PPM1H: variants seen among roughly 807,000 people sequenced by gnomAD.
PPM1H encodes the protein protein phosphatase 1H.
PPM1H carries 27 observed loss-of-function variants against 54.9 expected under a neutral mutation model. That is an observed-to-expected ratio of 0.49 (90% confidence interval 0.36 to 0.68). The LOEUF (loss-of-function observed/expected upper bound fraction) is 0.68. Among genes scored for constraint, PPM1H ranks in the 30% least tolerant of loss-of-function variants. The pLI is 0.00. For synonymous variants in PPM1H, 305 were observed against 270.8 expected (o/e 1.13, Z -1.24); for missense variants, 596 against 667.8 (o/e 0.89, Z 1.19).
At chr12:62,831,564 G>T (rs1263894778) in intron 2 of PPM1H, among the ~76,000 whole-genome samples, 3 of 152,016 alleles carry the variant, frequency 2.0e-5, no homozygotes, top group Non-Finnish European at 4.4e-5. Context: ...TCATGAGCAG[G>T]CAAGGAGGAG....
chr12:62,867,996 C>T (rs191769938), intron 1 of PPM1H, among the ~76,000 whole-genome samples: 68 of 152,180 alleles, frequency 4.5e-4, no homozygotes, highest in African/African-American at 1.3e-3. Context: ...TTGTCACTAT[C>T]GTCTCAGTGT....
intron 7 of PPM1H, among the ~76,000 whole-genome samples, chr12:62,691,317 G>C (rs894152495): frequency 5.3e-5 from 8 of 152,242 alleles, no homozygotes; most frequent in Admixed American, 3.3e-4. Flanking sequence ...CTATTACCTG[G>C]GTGATAAGAG....
In PPM1H at chr12:62,648,356, G is replaced by T; in HGVS notation, c.*133C>A. 1.7e-6 allele frequency: 2 copies of T among 1,145,436 alleles called. No individual in the cohort carries two copies. The highest frequency in any genetic ancestry group is 1.5e-5 in the African/African-American group (1 of 65,140). The allele number at this position is 1,145,436 out of a possible 1,614,324, so 71.0% of individuals were successfully genotyped here. On this transcript the variant is annotated 3_prime_UTR_variant, in exon 10 of 10. Coordinates refer to ENST00000228705, the MANE Select transcript of PPM1H (RefSeq NM_020700.2). Reference sequence around the variant, plus strand: ...GGTCATCTTGAAGCATAGTCTTTTGGCCATGAACTCCCCGCTTGGGCTGGG... The same window carrying T: ...GGTCATCTTGAAGCATAGTCTTTTGTCCATGAACTCCCCGCTTGGGCTGGG...
rs182583850 is a variant in PPM1H at position 62,901,304 on chromosome 12, A to C, written c.245+33188T>G. 3.8e-4 allele frequency among the ~76,000 whole-genome samples: 58 copies of C among 152,368 alleles called. 1 individual carries two copies. The East Asian group carries it at 9.4e-3, about 25-fold the overall frequency. On this transcript the variant is annotated intron_variant, in intron 1 of 9. Transcript: ENST00000228705. ...AAGAAATGACAATTATCATCAACCAAATCCAATTAATTCTCAGATTTCTAT... is the reference window on the plus strand; with the variant it reads ...AAGAAATGACAATTATCATCAACCACATCCAATTAATTCTCAGATTTCTAT...
chr12:62,913,943 G>C (rs866561209), intron 1 of PPM1H, among the ~76,000 whole-genome samples: 1 of 152,046 alleles, frequency 6.6e-6, no homozygotes, highest in Non-Finnish European at 1.5e-5. Context: ...CAAGTGACCC[G>C]CTGGCCTCAG....
At chr12:62,751,717 T>C (rs994179051) in intron 4 of PPM1H, among the ~76,000 whole-genome samples, 1 of 152,234 alleles carries the variant, frequency 6.6e-6, no homozygotes, top group South Asian at 2.1e-4. Flanking sequence ...CTACGTCTGC[T>C]ACATGAGGGC....
intron 1 of PPM1H, among the ~76,000 whole-genome samples, chr12:62,891,454 A>G (rs755295263): frequency 3.9e-5 from 6 of 152,348 alleles, no homozygotes; most frequent in Non-Finnish European, 8.8e-5. Flanking sequence ...TCAACCATGT[A>G]CCTACATGAA....
At chr12:62,822,211 C>T (rs1239564566) in intron 2 of PPM1H, among the ~76,000 whole-genome samples, 4 of 152,106 alleles carry the variant, frequency 2.6e-5, no homozygotes, top group Non-Finnish European at 5.9e-5. Context: ...GCTAACTGTC[C>T]TAAATATATA....
intron 1 of PPM1H, among the ~76,000 whole-genome samples, chr12:62,904,011 A>G (rs1465920405): frequency 6.6e-6 from 1 of 152,158 alleles, no homozygotes; most frequent in Admixed American, 6.5e-5. Context: ...CATACCATAA[A>G]AAGAACAGGA....
intron 7 of PPM1H, among the ~76,000 whole-genome samples, chr12:62,690,755 T>A (rs1372586443): frequency 2.0e-5 from 3 of 152,090 alleles, no homozygotes; most frequent in Non-Finnish European, 4.4e-5. Flanking sequence ...GTGGATCACT[T>A]GAGGTCAGGA....
intron 2 of PPM1H, among the ~76,000 whole-genome samples, chr12:62,818,947 A>G (rs1049108895): frequency 3.3e-5 from 5 of 151,108 alleles, no homozygotes; most frequent in Non-Finnish European, 5.9e-5. Flanking sequence ...CAGACTCCCA[A>G]GAAGCTGGGA....
In PPM1H at chr12:62,737,594, G is replaced by A. The variant is rs1313542761; in HGVS notation, c.870-8C>T. On this transcript the variant is annotated splice_region_variant and splice_polypyrimidine_tract_variant and intron_variant, in intron 4 of 9. Transcript: ENST00000228705. ...TTTCTGATGATTATGGCCCTGAAAT[G>A]GTGAAAATGCATTGTCAGTAGCCAA... The A allele has an allele frequency of 6.5e-7, 1 of 1,535,290 alleles. No individual in the cohort carries two copies. Among genetic ancestry groups the A allele is most frequent in the South Asian group, 1.2e-5 (1 of 83,376 alleles).
rs114892222 is a variant in PPM1H at position 62,693,449 on chromosome 12, A to G, written c.1137+487T>C. 5.1e-3 allele frequency among the ~76,000 whole-genome samples: 779 copies of G among 152,292 alleles called. 12 individuals carry two copies. The highest frequency in any genetic ancestry group is 0.018 in the African/African-American group (750 of 41,548). On this transcript the variant is annotated intron_variant, in intron 7 of 9. Coordinates refer to ENST00000228705, the MANE Select transcript of PPM1H (RefSeq NM_020700.2). ...TGCAAAGTCTGGACTTCCATGGTGGAGTCTGAGACGCGCGAAGCAGACAGA... is the reference window on the plus strand; with the variant it reads ...TGCAAAGTCTGGACTTCCATGGTGGGGTCTGAGACGCGCGAAGCAGACAGA...
rs983934790 is a variant in PPM1H, at chr12:62,646,363, G to A, written c.*2126C>T. Reference sequence around the variant, plus strand: ...TAAAACTGGAGAAGCTCAAGGTAGGGCCCAGATAGAGGCCCAGGAAAGCAA... The same window carrying A: ...TAAAACTGGAGAAGCTCAAGGTAGGACCCAGATAGAGGCCCAGGAAAGCAA... On this transcript the variant is annotated 3_prime_UTR_variant, in exon 10 of 10. Coordinates refer to ENST00000228705, the MANE Select transcript of PPM1H (RefSeq NM_020700.2). The A allele has an allele frequency of 6.6e-6, 1 of 152,170 alleles. No homozygotes were observed. Among genetic ancestry groups the A allele is most frequent in the South Asian group, 2.1e-4 (1 of 4,828 alleles). The allele number at this position is 152,170 out of a possible 1,614,324, so 9.4% of individuals were successfully genotyped here. A position where few individuals can be genotyped will look rare whatever the true frequency, so the allele number is the denominator to read the frequency against.
At chr12:62,750,657 G>T (rs1004664438) in intron 4 of PPM1H, among the ~76,000 whole-genome samples, 1 of 152,088 alleles carries the variant, frequency 6.6e-6, no homozygotes, top group African/African-American at 2.4e-5. Flanking sequence ...TGAGCCATAT[G>T]GTAACCTTAA....
chr12:62,692,572 A>G (rs1205385149), intron 7 of PPM1H, among the ~76,000 whole-genome samples: 1 of 152,154 alleles, frequency 6.6e-6, no homozygotes, highest in Non-Finnish European at 1.5e-5. Context: ...AGTTTACTGG[A>G]ACTCACTGGA....
At chr12:62,651,687 C>A (rs1005254014) in intron 9 of PPM1H, among the ~76,000 whole-genome samples, 1 of 152,176 alleles carries the variant, frequency 6.6e-6, no homozygotes, top group East Asian at 1.9e-4. Context: ...AGGTGCTTAA[C>A]TTCCTGAGGG....
At chr12:62,749,183 C>T (rs1019987037) in intron 4 of PPM1H, among the ~76,000 whole-genome samples, 7 of 152,194 alleles carry the variant, frequency 4.6e-5, no homozygotes, top group African/African-American at 9.7e-5. Flanking sequence ...CATCAGTCCC[C>T]TTGGAACGCA....
At chr12:62,912,516 A>G (rs986631559) in intron 1 of PPM1H, among the ~76,000 whole-genome samples, 14 of 152,152 alleles carry the variant, frequency 9.2e-5, no homozygotes, top group African/African-American at 3.1e-4. Context: ...GAAGTTGAGA[A>G]TTGGTGAGCA....
Sources: gnomAD v4.1 joint callset for allele counts (sites outside exome capture counted in the v4.1 genomes callset) on GRCh38, gnomAD v4.1.1 for gene constraint, MANE v1.5 for transcripts, NCBI Gene and HGNC (gene_info 2026-07-23, HGNC 2026-07-21) for gene names.